CLASP1: variants seen among roughly 807,000 people sequenced by gnomAD.
The protein encoded by CLASP1 is CLIP-associating protein 1.
Under a neutral mutation model 192.3 loss-of-function variants are expected in CLASP1, and 38 were observed. That is an observed-to-expected ratio of 0.20 (90% CI 0.15 to 0.26). The LOEUF is 0.26. Among genes scored for constraint, CLASP1 ranks in the 10% least tolerant of loss-of-function variants. The probability of loss-of-function intolerance (pLI) is 1.00; values close to 1 mark genes in which losing one functional copy is unlikely to be tolerated. For missense variants in CLASP1, 1,433 were observed against 1,932.5 expected, an observed-to-expected ratio of 0.74 and a Z score of 4.85; for synonymous variants, 691 against 712.8, an observed-to-expected ratio of 0.97 and a Z score of 0.49.
intron 26 of CLASP1, among the ~76,000 whole-genome samples, chr2:121,404,141 TG>T (rs1185780031): frequency 1.3e-5 from 2 of 152,262 alleles, no homozygotes; most frequent in African/African-American, 4.8e-5. Flanking sequence ...ATTCTCTCCC[TG>T]ATAACATTTA....
chr2:121,569,466 T>A (rs963224743), intron 2 of CLASP1, among the ~76,000 whole-genome samples: 2 of 152,256 alleles, frequency 1.3e-5, no homozygotes, highest in African/African-American at 4.8e-5. Flanking sequence ...ATTAACCCTT[T>A]AAAGTAAATG....
At chr2:121,398,785 C>A (rs1005813106) in intron 28 of CLASP1, among the ~76,000 whole-genome samples, 1 of 152,168 alleles carries the variant, frequency 6.6e-6, no homozygotes, top group African/African-American at 2.4e-5. Context: ...ACATCCTGAC[C>A]GGGCTGCTTA....
At chr2:121,464,453 G>A (rs1357021376) in intron 9 of CLASP1, among the ~76,000 whole-genome samples, 1 of 152,096 alleles carries the variant, frequency 6.6e-6, no homozygotes, top group African/African-American at 2.4e-5. Flanking sequence ...CTAGTTTACA[G>A]TCCCACCAAC....
chr2:121,535,867 G>A (rs2095052310), intron 2 of CLASP1, among the ~76,000 whole-genome samples: 1 of 151,810 alleles, frequency 6.6e-6, no homozygotes, highest in Non-Finnish European at 1.5e-5. Flanking sequence ...TTGCCATGTT[G>A]CCCAGGCTGG....
At chr2:121,611,727 G>A (rs535063933) in intron 1 of CLASP1, among the ~76,000 whole-genome samples, 2 of 149,312 alleles carry the variant, frequency 1.3e-5, no homozygotes, top group Admixed American at 1.3e-4. Context: ...TGGAGGAGGA[G>A]GTGTTGGAGG....
chr2:121,529,609 G>A (rs2104726233), intron 3 of CLASP1, among the ~76,000 whole-genome samples: 1 of 152,274 alleles, frequency 6.6e-6, no homozygotes, highest in Non-Finnish European at 1.5e-5. Flanking sequence ...AACACCGGAG[G>A]TCAGGAATTT....
chr2:121,408,320 GT>G (rs2077205953), intron 24 of CLASP1, among the ~76,000 whole-genome samples: 1 of 152,162 alleles, frequency 6.6e-6, no homozygotes, highest in Admixed American at 6.5e-5. Flanking sequence ...ATCTCCCTCT[GT>G]TGCCCAGGCT....
chr2:121,438,642 GC>G (rs2082727328), intron 19 of CLASP1, among the ~76,000 whole-genome samples: 1 of 152,054 alleles, frequency 6.6e-6, no homozygotes, highest in African/African-American at 2.4e-5. Flanking sequence ...TTATTGATTT[GC>G]GTATATTGAA....
chr2:121,434,310 G>T (rs2081955221), intron 19 of CLASP1, among the ~76,000 whole-genome samples: 1 of 152,146 alleles, frequency 6.6e-6, no homozygotes, highest in Admixed American at 6.5e-5. Context: ...AGGCTGGAGT[G>T]GAATGGTGCG....
chr2:121,511,136 G>A (rs1166567096), intron 7 of CLASP1, among the ~76,000 whole-genome samples: 1 of 152,134 alleles, frequency 6.6e-6, no homozygotes, highest in Admixed American at 6.5e-5. Context: ...AAAACAAAAA[G>A]TTGTAAGAAA....
chr2:121,408,686 T>C (rs890866818), intron 24 of CLASP1, among the ~76,000 whole-genome samples: 1 of 152,114 alleles, frequency 6.6e-6, no homozygotes, highest in African/African-American at 2.4e-5. Context: ...TCACACAAAA[T>C]CCAGATTCCT....
chr2:121,478,631 A>AC (rs2091959222), intron 8 of CLASP1, among the ~76,000 whole-genome samples: 1 of 67,988 alleles, frequency 1.5e-5, no homozygotes. Context: ...ACACACACAT[A>AC]CACACACACA....
At chr2:121,420,990 C>T (rs2079400089) in intron 22 of CLASP1, among the ~76,000 whole-genome samples, 1 of 152,174 alleles carries the variant, frequency 6.6e-6, no homozygotes, top group East Asian at 1.9e-4. Context: ...GTTCATTCAC[C>T]CATTCGAGCT....
At chr2:121,473,077 A>G (rs2091039826) in intron 8 of CLASP1, among the ~76,000 whole-genome samples, 3 of 152,236 alleles carry the variant, frequency 2.0e-5, no homozygotes, top group Admixed American at 6.5e-5. Flanking sequence ...TGTACAGAGA[A>G]GCCTTAAAAA....
chr2:121,350,008 C>T (rs1460241311), intron 37 of CLASP1, among the ~76,000 whole-genome samples: 1 of 152,126 alleles, frequency 6.6e-6, no homozygotes, highest in Non-Finnish European at 1.5e-5. Context: ...GTAAAGGATG[C>T]TTACTACTAC....
At chr2:121,444,747 A>AGGGAAGGAGAACTCAGGTAGAGGTAG in intron 19 of CLASP1, among the ~76,000 whole-genome samples, 1 of 152,182 alleles carries the variant, frequency 6.6e-6, no homozygotes, top group Non-Finnish European at 1.5e-5. Flanking sequence ...TGAACAAGAA[A>AGGGAAGGAGAACTCAGGTAGAGGTAG]GGGAAGGAGA....
Position 121,340,797 on chromosome 2 carries a change from G to A in CLASP1, c.*64C>T. Reference sequence around the variant, plus strand: ...GACTGGGCAGCCGATGAAGGGGGTGGGGAAAGGTCTCTGAGAGGCACCACC... The same window carrying A: ...GACTGGGCAGCCGATGAAGGGGGTGAGGAAAGGTCTCTGAGAGGCACCACC... On this transcript the variant is annotated 3_prime_UTR_variant, in exon 40 of 40. Transcript: ENST00000263710. The A allele has an allele frequency of 4.8e-6, 6 of 1,245,978 alleles. No homozygotes were observed. The East Asian group carries it at 9.8e-5, about 20-fold the overall frequency. The allele number at this position is 1,245,978 out of a possible 1,614,324, so 77.2% of individuals were successfully genotyped here.
intron 36 of CLASP1, 200 bp downstream of exon 37, chr2:121,364,894 C>T: frequency 1.7e-6 from 1 of 605,854 alleles, no homozygotes; most frequent in South Asian, 1.9e-5. Context: ...GCACGTAAGC[C>T]AAGCAGCAGC....
chr2:121,410,705 G>T, intron 24 of CLASP1, 161 bp downstream of exon 25: 1 of 547,500 alleles, frequency 1.8e-6, no homozygotes, highest in Non-Finnish European at 3.2e-6. Context: ...AAGTTTAAGG[G>T]GCAAACAATA....
Sources: gnomAD v4.1 joint callset for allele counts (sites outside exome capture counted in the v4.1 genomes callset) on GRCh38, gnomAD v4.1.1 for gene constraint, MANE v1.5 for transcripts, NCBI Gene and HGNC (gene_info 2026-07-23, HGNC 2026-07-21) for gene names.